The following CFAP299 variants were observed in gnomAD, a reference collection of about 807,000 sequenced individuals.
CFAP299 encodes the protein cilia and flagella associated protein 299.
A neutral mutation model predicts 27.0 loss-of-function variants in CFAP299; 21 were observed. That is an observed-to-expected ratio of 0.78 (90% CI 0.55 to 1.12). CFAP299 has a LOEUF of 1.12. CFAP299 is among the 50% of genes most tolerant of loss of function. The pLI is 0.00. For synonymous variants in CFAP299, 104 were observed against 98.1 expected (o/e 1.06, Z -0.36); for missense variants, 310 against 276.6 (o/e 1.12, Z -0.86).
chr4:80,374,606 C>A (rs1165655938), intron 2 of CFAP299, among the ~76,000 whole-genome samples: 1 of 152,098 alleles, frequency 6.6e-6, no homozygotes, highest in African/African-American at 2.4e-5. Context: ...TCAGGAGCTG[C>A]GATTTTCCTA....
chr4:80,811,520 C>T (rs1035827580), intron 3 of CFAP299, among the ~76,000 whole-genome samples: 3 of 152,110 alleles, frequency 2.0e-5, no homozygotes, highest in Admixed American at 6.6e-5. Flanking sequence ...GCCAAGGCCA[C>T]GGGTTTGATC....
intron 3 of CFAP299, among the ~76,000 whole-genome samples, chr4:80,715,696 C>A (rs186674286): frequency 1.3e-5 from 2 of 151,982 alleles, no homozygotes; most frequent in East Asian, 3.9e-4. Context: ...GTACGTTTTT[C>A]TTTTAAATGC....
chr4:80,608,903 A>G (rs73832427), intron 3 of CFAP299, among the ~76,000 whole-genome samples: 6,907 of 148,192 alleles, frequency 0.047, 551 homozygotes, highest in African/African-American at 0.16. Flanking sequence ...GTGCACAGAG[A>G]AAGAGGGGAT....
intron 3 of CFAP299, among the ~76,000 whole-genome samples, chr4:80,669,038 G>A (rs996130803): frequency 1.3e-5 from 2 of 150,000 alleles, no homozygotes; most frequent in African/African-American, 4.9e-5. Context: ...CCAATTCCTT[G>A]ACTAAATCAG....
chr4:80,871,729 C>A, intron 4 of CFAP299: 1 of 708,238 alleles, frequency 1.4e-6, no homozygotes, highest in Non-Finnish European at 1.7e-6. Context: ...ATTTCACCTG[C>A]AAACACTTCA....
intron 3 of CFAP299, among the ~76,000 whole-genome samples, chr4:80,727,236 A>G (rs947766883): frequency 6.6e-6 from 1 of 152,052 alleles, no homozygotes; most frequent in Admixed American, 6.6e-5. Context: ...GAAGATATCT[A>G]TATGTTCCTC....
At chr4:80,763,790 G>GAAATAACAA (rs1296503677) in intron 3 of CFAP299, among the ~76,000 whole-genome samples, 2 of 152,142 alleles carry the variant, frequency 1.3e-5, no homozygotes, top group Non-Finnish European at 2.9e-5. Flanking sequence ...AGAGGCCTCA[G>GAAATAACAA]AAATAACAAC....
intron 2 of CFAP299, among the ~76,000 whole-genome samples, chr4:80,481,680 T>C (rs1730579714): frequency 1.3e-5 from 2 of 152,068 alleles, no homozygotes; most frequent in Non-Finnish European, 2.9e-5. Context: ...GGGCTAAAAT[T>C]GACTAGTTTA....
intron 2 of CFAP299, among the ~76,000 whole-genome samples, chr4:80,489,035 C>T (rs1299811038): frequency 2.0e-5 from 3 of 152,272 alleles, no homozygotes; most frequent in South Asian, 2.1e-4. Flanking sequence ...ACTTCATATT[C>T]CTTGTCCTTA....
intron 5 of CFAP299, among the ~76,000 whole-genome samples, chr4:80,946,029 T>C (rs1352779055): frequency 6.6e-6 from 1 of 151,022 alleles, no homozygotes; most frequent in Non-Finnish European, 1.5e-5. Context: ...GTCGCATGCC[T>C]GTAATCCCAG....
intron 3 of CFAP299, among the ~76,000 whole-genome samples, chr4:80,637,047 A>T (rs1306259589): frequency 6.6e-6 from 1 of 152,100 alleles, no homozygotes; most frequent in Non-Finnish European, 1.5e-5. Context: ...ATCAATAAAT[A>T]AAACAAAGAC....
chr4:80,561,133 C>T (rs1485938766), intron 2 of CFAP299, among the ~76,000 whole-genome samples: 3 of 152,134 alleles, frequency 2.0e-5, no homozygotes, highest in Admixed American at 2.0e-4. Flanking sequence ...AGTCTATATG[C>T]TTGGGAGAAT....
At chr4:80,882,491 AGCCGGGC>A (rs1364691353) in intron 4 of CFAP299, among the ~76,000 whole-genome samples, 1 of 152,034 alleles carries the variant, frequency 6.6e-6, no homozygotes, top group Non-Finnish European at 1.5e-5. Context: ...ACAAAAAATT[AGCCGGGC>A]GCGGTGGCAG....
chr4:80,948,286 A>G lies in CFAP299; in HGVS notation c.606+3347A>G, dbSNP rs536996722. Among the ~76,000 whole-genome samples, 19 of 152,306 alleles carry G rather than the reference A, an allele frequency of 1.2e-4. No individual in the cohort carries two copies. In the South Asian group the frequency reaches 3.7e-3, roughly 30 times the overall value. On this transcript the variant is annotated intron_variant, in intron 5 of 5. Coordinates refer to ENST00000358105, the MANE Select transcript of CFAP299 (RefSeq NM_152770.3). ...TTGTGCAGGTCTTACAACAAGTAATATGAGTTCATTGGTTAGGAAATTCCA... is the reference window on the plus strand; with the variant it reads ...TTGTGCAGGTCTTACAACAAGTAATGTGAGTTCATTGGTTAGGAAATTCCA...
In CFAP299 at chr4:80,869,187, A is replaced by G. The variant is rs113194364; in HGVS notation, c.334-806A>G. Among the ~76,000 whole-genome samples, 984 of 152,270 alleles carry G rather than the reference A, an allele frequency of 6.5e-3. 8 individuals are homozygous for G. The highest frequency in any genetic ancestry group is 7.3e-3 in the Non-Finnish European group (499 of 68,030). On this transcript the variant is annotated intron_variant, in intron 3 of 5. Coordinates refer to ENST00000358105, the MANE Select transcript of CFAP299 (RefSeq NM_152770.3). Reference sequence around the variant, plus strand: ...AATAAGTGGCTTAAAAGCATGGAGAAATTGATACTAATTTACATGGAGTTA... The same window carrying G: ...AATAAGTGGCTTAAAAGCATGGAGAGATTGATACTAATTTACATGGAGTTA...
intron 4 of CFAP299, among the ~76,000 whole-genome samples, chr4:80,895,182 A>ACG (rs1578219952): frequency 1.4e-5 from 2 of 137,986 alleles, no homozygotes; most frequent in East Asian, 4.0e-4. Context: ...ACACACACAC[A>ACG]CACACACACA....
At chr4:80,618,604 C>T (rs796796793) in intron 3 of CFAP299, among the ~76,000 whole-genome samples, 8 of 152,098 alleles carry the variant, frequency 5.3e-5, no homozygotes, top group Admixed American at 2.6e-4. Flanking sequence ...TGGAAACATA[C>T]GTAAAAATCA....
chr4:80,900,005 G>A (rs556336146), intron 4 of CFAP299, among the ~76,000 whole-genome samples: 10 of 152,056 alleles, frequency 6.6e-5, no homozygotes, highest in African/African-American at 1.5e-4. Flanking sequence ...TGGTGGTAAC[G>A]GGTCAGAGAA....
intron 3 of CFAP299, among the ~76,000 whole-genome samples, chr4:80,601,733 C>T (rs980864040): frequency 2.6e-5 from 4 of 152,132 alleles, no homozygotes; most frequent in African/African-American, 7.2e-5. Context: ...GCATGGATCA[C>T]GTTCTCATTC....
Sources: allele counts gnomAD v4.1 joint callset (sites outside exome capture counted in the v4.1 genomes callset), GRCh38; gene constraint gnomAD v4.1.1; transcripts MANE v1.5; gene names NCBI Gene and HGNC (gene_info 2026-07-23, HGNC 2026-07-21).